The following WDR7 variants were observed in gnomAD, a reference collection of about 807,000 sequenced individuals.
WDR7 encodes WD repeat-containing protein 7.
A neutral mutation model predicts 169.4 loss-of-function variants in WDR7; 46 were observed. The ratio of observed to expected loss-of-function variants is 0.27; its 90% CI spans 0.21 to 0.35. WDR7 has a LOEUF of 0.35. Ranked by LOEUF, WDR7 falls within the 10% of genes least tolerant of loss-of-function variation. The pLI is 1.00. For synonymous variants in WDR7, 612 were observed against 666.8 expected (o/e 0.92, Z 1.27); for missense variants, 1,534 against 1,859.3 (o/e 0.83, Z 3.22).
chr18:56,765,087 T>C (rs139534676), intron 16 of WDR7, among the ~76,000 whole-genome samples: 10 of 152,290 alleles, frequency 6.6e-5, no homozygotes, highest in African/African-American at 2.4e-4. Flanking sequence ...ACTGTTAACA[T>C]AGTATAATCT....
chr18:56,851,375 C>T (rs1179822349), intron 20 of WDR7, among the ~76,000 whole-genome samples: 3 of 152,142 alleles, frequency 2.0e-5, no homozygotes, highest in East Asian at 1.9e-4. Context: ...ACTCATCTCA[C>T]GACACTCAGC....
chr18:56,695,047 T>A lies in WDR7; in HGVS notation c.1206T>A (p.Asn402Lys), dbSNP rs770193462. Residue 402 changes from asparagine to lysine, a missense_variant, in exon 11 of 28, where the codon AAT becomes AAA. Coordinates refer to ENST00000254442, the MANE Select transcript of WDR7 (RefSeq NM_015285.3). ...TAGATCAGCTGAGTGTGATTCCCAATAGTAATGAACCTCTTAAAGTAACTG... is the reference window on the plus strand; with the variant it reads ...TAGATCAGCTGAGTGTGATTCCCAAAAGTAATGAACCTCTTAAAGTAACTG... ...GIIDQLSVIP[N>K]SNEPLKVTAS... The A allele has an allele frequency of 7.4e-6, 12 of 1,614,064 alleles. No individual in the cohort carries two copies. The East Asian group carries it at 2.7e-4, about 36-fold the overall frequency.
intron 26 of WDR7, among the ~76,000 whole-genome samples, chr18:56,965,561 A>C (rs1287083701): frequency 6.6e-6 from 1 of 152,050 alleles, no homozygotes; most frequent in African/African-American, 2.4e-5. Context: ...AGGGGTGACA[A>C]ACTATGGCCT....
At chr18:56,907,557 A>G (rs2046496232) in intron 21 of WDR7, among the ~76,000 whole-genome samples, 1 of 152,202 alleles carries the variant, frequency 6.6e-6, no homozygotes, top group South Asian at 2.1e-4. Context: ...TTTGTAAAAT[A>G]GGCATGAAGA....
intron 19 of WDR7, among the ~76,000 whole-genome samples, chr18:56,795,112 A>G (rs142938134): frequency 1.3e-5 from 2 of 152,340 alleles, no homozygotes; most frequent in Non-Finnish European, 2.9e-5. Context: ...TATTAATATG[A>G]ATTCATGGAT....
chr18:56,968,198 G>A (rs560438841), intron 26 of WDR7, among the ~76,000 whole-genome samples: 5 of 151,566 alleles, frequency 3.3e-5, no homozygotes, highest in African/African-American at 1.2e-4. Context: ...CTTTACTATT[G>A]AAAAGTTTTA....
At chr18:57,030,979 C>T (rs1202438462), downstream of WDR7, 1 of 151,554 alleles carries the variant, frequency 6.6e-6, no homozygotes, top group Non-Finnish European at 1.5e-5. Flanking sequence ...GATCATCCCT[C>T]TTTAATCAAA....
At chr18:56,677,663 T>C (rs541946142) in intron 2 of WDR7, among the ~76,000 whole-genome samples, 3 of 152,284 alleles carry the variant, frequency 2.0e-5, no homozygotes, top group East Asian at 3.9e-4. Flanking sequence ...GTGTATGTTG[T>C]GTCTTTTCTT....
At chr18:57,003,040 T>C (rs2048005570) in intron 26 of WDR7, among the ~76,000 whole-genome samples, 1 of 152,184 alleles carries the variant, frequency 6.6e-6, no homozygotes, top group South Asian at 2.1e-4. Flanking sequence ...ATGTAAATTA[T>C]ACATCTTGAT....
At chr18:56,931,350 T>C (rs1173108425) in intron 22 of WDR7, among the ~76,000 whole-genome samples, 3 of 152,222 alleles carry the variant, frequency 2.0e-5, no homozygotes, top group African/African-American at 7.2e-5. Context: ...ACACAGACAA[T>C]GCACTCTTGA....
At chr18:56,710,777 T>A (rs1460532201) in intron 12 of WDR7, among the ~76,000 whole-genome samples, 1 of 152,196 alleles carries the variant, frequency 6.6e-6, no homozygotes, top group Non-Finnish European at 1.5e-5. Flanking sequence ...CTTCAGTTTC[T>A]ACATCTTTAA....
At chr18:56,706,643 G>A (rs141690864) in intron 12 of WDR7, among the ~76,000 whole-genome samples, 84 of 151,918 alleles carry the variant, frequency 5.5e-4, no homozygotes, top group African/African-American at 2.0e-3. Context: ...CAGTTTGTAC[G>A]TTCATTTTCA....
chr18:56,992,452 A>G (rs1181576917), intron 26 of WDR7, among the ~76,000 whole-genome samples: 1 of 152,224 alleles, frequency 6.6e-6, no homozygotes, highest in Non-Finnish European at 1.5e-5. Context: ...TACAGAGATT[A>G]TTCCCAAAGG....
At chr18:56,915,003 C>G (rs531464628) in intron 21 of WDR7, among the ~76,000 whole-genome samples, 1 of 152,240 alleles carries the variant, frequency 6.6e-6, no homozygotes, top group East Asian at 1.9e-4. Flanking sequence ...ACTTTGAAGA[C>G]TGTTTTGATT....
intron 22 of WDR7, among the ~76,000 whole-genome samples, chr18:56,927,415 T>C (rs2046823192): frequency 6.6e-6 from 1 of 152,012 alleles, no homozygotes; most frequent in Admixed American, 6.6e-5. Context: ...GAGACCAGCC[T>C]GAGCAAAACA....
chr18:56,813,566 A>T (rs182361879), intron 19 of WDR7, among the ~76,000 whole-genome samples: 1 of 151,014 alleles, frequency 6.6e-6, no homozygotes, highest in Non-Finnish European at 1.5e-5. Flanking sequence ...AATATTTTGG[A>T]TCTTAATTGA....
intron 9 of WDR7, among the ~76,000 whole-genome samples, chr18:56,693,561 G>T (rs368487540): frequency 1.0e-5 from 1 of 98,752 alleles, no homozygotes; most frequent in Non-Finnish European, 2.0e-5. Context: ...AATTTTGTTG[G>T]TTTTTTTTTT....
rs759503186 is a variant in WDR7 at position 56,672,606 on chromosome 18, G to A, written c.91G>A (p.Gly31Arg). Residue 31 changes from glycine to arginine, a missense_variant, in exon 2 of 28, where the codon GGG (glycine) becomes AGG (arginine). Gly to Arg is a moderately radical substitution (Grantham distance 125). Transcript: ENST00000254442. Reference protein sequence around the residue: ...CISAVLLTDDGATIVTGCHDG... With the variant: ...CISAVLLTDDRATIVTGCHDG... ...CTCAGCCGTACTTTTAACAGATGAT[G>A]GGGCCACGATCGTAACAGGATGTCA... 2 of 1,613,308 alleles carry A rather than the reference G, an allele frequency of 1.2e-6. No homozygotes were observed.
intron 21 of WDR7, among the ~76,000 whole-genome samples, chr18:56,899,038 T>C (rs1342719193): frequency 6.6e-6 from 1 of 152,134 alleles, no homozygotes; most frequent in East Asian, 1.9e-4. Flanking sequence ...TATAGTAGTA[T>C]AAGTAATACT....
Sources: allele counts gnomAD v4.1 joint callset (sites outside exome capture counted in the v4.1 genomes callset), GRCh38; gene constraint gnomAD v4.1.1; transcripts MANE v1.5; gene names NCBI Gene and HGNC (gene_info 2026-07-23, HGNC 2026-07-21).